GHR: variants seen among roughly 807,000 people sequenced by gnomAD.
The protein encoded by GHR is GH receptor.
In GHR, 35 loss-of-function variants were observed where a neutral mutation model predicts 67.1. The observed-to-expected ratio is 0.52, with a 90% CI of 0.40 to 0.69. The LOEUF (loss-of-function observed/expected upper bound fraction) is 0.69, where lower values mean the gene tolerates loss of function less well. GHR is among the 30% of genes least tolerant of loss of function. GHR has a pLI of 0.00. For synonymous variants in GHR, 272 were observed against 269.1 expected, an observed-to-expected ratio of 1.01 and a Z score of -0.10; for missense variants, 792 against 764.6, an observed-to-expected ratio of 1.04 and a Z score of -0.42.
At chr5:42,561,023 G>T (rs1435202630) in intron 1 of GHR, among the ~76,000 whole-genome samples, 1 of 152,082 alleles carries the variant, frequency 6.6e-6, no homozygotes. Context: ...CTAATTTTAG[G>T]CCCTTTTATT....
At position 42,464,758 on chromosome 5, in the gene GHR, A is replaced by C. The variant is rs575487056; in HGVS notation, c.-12+40803A>C. Among the ~76,000 whole-genome samples, 52 of 152,266 alleles carry C rather than the reference A, an allele frequency of 3.4e-4. 1 individual carries two copies. Among genetic ancestry groups the C allele is most frequent in the Non-Finnish European group, 7.4e-5 (5 of 68,008 alleles). On this transcript the variant is annotated intron_variant, in intron 1 of 9. Transcript: ENST00000230882. ...GGCAGAACTAATAATCTAAATTATG[A>C]ATGGCTGTGTGTGCACACACACAGG...
intron 1 of GHR, among the ~76,000 whole-genome samples, chr5:42,466,430 A>G (rs1322572609): frequency 6.6e-6 from 1 of 152,206 alleles, no homozygotes; most frequent in Non-Finnish European, 1.5e-5. Flanking sequence ...TGAATTGTTG[A>G]ATTGCTACCC....
intron 1 of GHR, among the ~76,000 whole-genome samples, chr5:42,479,622 A>G (rs1352703086): frequency 6.6e-6 from 1 of 152,142 alleles, no homozygotes; most frequent in East Asian, 1.9e-4. Context: ...GGGAGGATGT[A>G]TGTGTCGAGG....
chr5:42,512,925 T>A (rs1249485037), intron 1 of GHR, among the ~76,000 whole-genome samples: 1 of 152,144 alleles, frequency 6.6e-6, no homozygotes, highest in Non-Finnish European at 1.5e-5. Context: ...TCCAGCAACA[T>A]TTTTGTATAC....
intron 1 of GHR, among the ~76,000 whole-genome samples, chr5:42,449,777 G>T (rs1310721183): frequency 1.3e-5 from 2 of 152,044 alleles, no homozygotes; most frequent in African/African-American, 4.8e-5. Flanking sequence ...CTCCTAGATG[G>T]TTTTTATTAC....
chr5:42,508,963 T>C (rs1328181184), intron 1 of GHR, among the ~76,000 whole-genome samples: 1 of 152,242 alleles, frequency 6.6e-6, no homozygotes, highest in Non-Finnish European at 1.5e-5. Context: ...TCACACTATG[T>C]GATGAAATTT....
intron 2 of GHR, among the ~76,000 whole-genome samples, chr5:42,591,910 C>G (rs1028694245): frequency 1.3e-5 from 2 of 152,060 alleles, no homozygotes; most frequent in African/African-American, 4.8e-5. Flanking sequence ...TAATAGAGGA[C>G]CAGCAGTCCA....
intron 2 of GHR, among the ~76,000 whole-genome samples, chr5:42,604,915 G>A (rs1350078280): frequency 2.0e-5 from 3 of 151,834 alleles, no homozygotes; most frequent in Non-Finnish European, 4.4e-5. Context: ...TCAGTTTATA[G>A]AGGATTTATC....
At chr5:42,710,750 C>T (rs996287142) in intron 6 of GHR, among the ~76,000 whole-genome samples, 1 of 151,998 alleles carries the variant, frequency 6.6e-6, no homozygotes, top group Non-Finnish European at 1.5e-5. Context: ...GAATGACTAC[C>T]CGGAATTTCC....
chr5:42,561,246 G>C (rs1004366190), intron 1 of GHR, among the ~76,000 whole-genome samples: 5 of 152,000 alleles, frequency 3.3e-5, no homozygotes, highest in Admixed American at 6.5e-5. Context: ...TTTTTCCCTA[G>C]TCTGACCTTC....
At chr5:42,621,709 A>T (rs1753455550) in intron 2 of GHR, among the ~76,000 whole-genome samples, 1 of 152,190 alleles carries the variant, frequency 6.6e-6, no homozygotes, top group Admixed American at 6.5e-5. Context: ...CAAGTTTGTT[A>T]TCTACTATTT....
At position 42,668,878 on chromosome 5, in the gene GHR, C is replaced by G. The variant is rs138798772; in HGVS notation, c.137-20012C>G. On this transcript the variant is annotated intron_variant, in intron 3 of 9. Transcript: ENST00000230882. Reference sequence around the variant, plus strand: ...TCAAAACTTGAAAATGCATTTAATACCCTGATAAACACATCATAAAGTTGA... The same window carrying G: ...TCAAAACTTGAAAATGCATTTAATAGCCTGATAAACACATCATAAAGTTGA... Among the ~76,000 whole-genome samples the G allele has an allele frequency of 2.0e-5, 3 of 152,140 alleles. No individual in the cohort carries two copies. In the East Asian group the frequency reaches 5.8e-4, roughly 29 times the overall value.
chr5:42,551,600 TG>T (rs1283868255), intron 1 of GHR, among the ~76,000 whole-genome samples: 1 of 152,182 alleles, frequency 6.6e-6, no homozygotes, highest in Non-Finnish European at 1.5e-5. Flanking sequence ...AGTAACCAAC[TG>T]GGTGAACCCT....
intron 1 of GHR, among the ~76,000 whole-genome samples, chr5:42,479,754 C>G (rs551906621): frequency 6.6e-6 from 1 of 151,890 alleles, no homozygotes; most frequent in Non-Finnish European, 1.5e-5. Flanking sequence ...TTTTTTATTG[C>G]GTCTATTTGA....
At chr5:42,611,254 T>C (rs1752875454) in intron 2 of GHR, among the ~76,000 whole-genome samples, 1 of 152,108 alleles carries the variant, frequency 6.6e-6, no homozygotes, top group Non-Finnish European at 1.5e-5. Context: ...TCTAAATGTA[T>C]GGTTGGAAAA....
intron 3 of GHR, among the ~76,000 whole-genome samples, chr5:42,669,931 T>C (rs1247183358): frequency 6.6e-6 from 1 of 152,174 alleles, no homozygotes. Context: ...ATTAATATTG[T>C]TAAGAGATCT....
intron 2 of GHR, among the ~76,000 whole-genome samples, chr5:42,605,423 T>G (rs531654186): frequency 2.0e-5 from 3 of 152,166 alleles, no homozygotes; most frequent in Admixed American, 2.0e-4. Context: ...CCTCTTAAAC[T>G]TTTGTGCTTA....
At chr5:42,507,141 T>C (rs1024307645) in intron 1 of GHR, among the ~76,000 whole-genome samples, 4 of 152,222 alleles carry the variant, frequency 2.6e-5, no homozygotes, top group Admixed American at 2.0e-4. Context: ...TCCCAAATAA[T>C]CTAATGACTA....
At chr5:42,550,208 G>A (rs987859560) in intron 1 of GHR, 2 of 321,366 alleles carry the variant, frequency 6.2e-6, no homozygotes, top group Non-Finnish European at 9.0e-6. Context: ...ATTGGACTGG[G>A]GACAGGAGAC....
Sources: gnomAD v4.1 joint callset for allele counts (sites outside exome capture counted in the v4.1 genomes callset) on GRCh38, gnomAD v4.1.1 for gene constraint, MANE v1.5 for transcripts, NCBI Gene and HGNC (gene_info 2026-07-23, HGNC 2026-07-21) for gene names.